The following EIF4G3 variants were observed in gnomAD, a reference collection of about 807,000 sequenced individuals.
The protein encoded by EIF4G3 is eIF-4-gamma 3.
In EIF4G3, 34 loss-of-function variants were observed where a neutral mutation model predicts 186.4. That is an observed-to-expected ratio of 0.18 (90% CI 0.14 to 0.24). The LOEUF (loss-of-function observed/expected upper bound fraction) is 0.24. EIF4G3 is among the 10% of genes least tolerant of loss of function. EIF4G3 has a pLI of 1.00. For synonymous variants in EIF4G3, 673 were observed against 679.5 expected, an observed-to-expected ratio of 0.99 and a Z score of 0.15; for missense variants, 1,536 against 1,948.5, an observed-to-expected ratio of 0.79 and a Z score of 3.99.
chr1:21,058,717 CTCTTTTTTTTTTTTT>C (rs1476201924), intron 3 of EIF4G3, among the ~76,000 whole-genome samples: 12 of 104,682 alleles, frequency 1.1e-4, no homozygotes, highest in South Asian at 8.5e-4. Flanking sequence ...CTCTCTCTCT[CTCTTTTTTTTTTTTT>C]TTTTTTTTTT....
intron 2 of EIF4G3, among the ~76,000 whole-genome samples, chr1:21,125,765 T>C: frequency 8.1e-6 from 1 of 122,730 alleles, no homozygotes; most frequent in African/African-American, 3.2e-5. Flanking sequence ...TTTTTTTATA[T>C]ATATATACAC....
At chr1:20,971,685 C>T (rs1300113294) in intron 11 of EIF4G3, among the ~76,000 whole-genome samples, 1 of 152,200 alleles carries the variant, frequency 6.6e-6, no homozygotes, top group African/African-American at 2.4e-5. Context: ...GTTGCCCAGG[C>T]TGGAGTGCAG....
chr1:21,065,571 C>T (rs557695758), intron 3 of EIF4G3, among the ~76,000 whole-genome samples: 2 of 149,948 alleles, frequency 1.3e-5, no homozygotes, highest in African/African-American at 2.5e-5. Context: ...AGTGGTGGGG[C>T]GGCGGGGGGA....
intron 2 of EIF4G3, among the ~76,000 whole-genome samples, chr1:21,167,057 C>T (rs547206384): frequency 5.3e-5 from 8 of 152,242 alleles, no homozygotes; most frequent in Non-Finnish European, 1.0e-4. Context: ...GCTGGGATTA[C>T]AGGCCATGAG....
chr1:20,859,580 T>C lies in EIF4G3; in HGVS notation c.3244+805A>G, dbSNP rs572764277. Among the ~76,000 whole-genome samples the C allele has an allele frequency of 2.4e-4, 36 of 152,334 alleles. 1 individual carries two copies. The highest frequency in any genetic ancestry group is 8.4e-4 in the African/African-American group (35 of 41,590). ...AAATGCCTTCTACTTCATCTTTCAC[T>C]TTTTTTGCATGTCTCTATTTTTGTT... On this transcript the variant is annotated intron_variant, in intron 24 of 36. Transcript: ENST00000602326.
chr1:21,037,398 G>A (rs1338199993), intron 4 of EIF4G3, among the ~76,000 whole-genome samples: 1 of 152,170 alleles, frequency 6.6e-6, no homozygotes, highest in Non-Finnish European at 1.5e-5. Flanking sequence ...GAAGCAGTTT[G>A]GCTGCTTTTA....
chr1:20,960,650 G>A (rs1331724903), intron 12 of EIF4G3, among the ~76,000 whole-genome samples: 1 of 152,142 alleles, frequency 6.6e-6, no homozygotes, highest in Non-Finnish European at 1.5e-5. Context: ...CTACTCAGAA[G>A]GCTGAGGTGG....
intron 9 of EIF4G3, 75 bp downstream of exon 9, chr1:20,980,973 C>T: frequency 8.0e-7 from 1 of 1,242,306 alleles, no homozygotes; most frequent in South Asian, 2.3e-5. Context: ...ATTCATCCAC[C>T]CAGCTCCCTC....
chr1:21,142,980 G>A (rs531240549), intron 2 of EIF4G3, among the ~76,000 whole-genome samples: 3 of 152,136 alleles, frequency 2.0e-5, no homozygotes, highest in African/African-American at 7.2e-5. Context: ...CAAATGTGGT[G>A]GCTCATGCCT....
chr1:21,147,010 C>T (rs886486363), intron 2 of EIF4G3, among the ~76,000 whole-genome samples: 1 of 151,996 alleles, frequency 6.6e-6, no homozygotes, highest in Non-Finnish European at 1.5e-5. Context: ...CGCTTATAAC[C>T]CCAGCACTTT....
chr1:20,985,468 C>A (rs935476053), intron 7 of EIF4G3, among the ~76,000 whole-genome samples: 1 of 150,788 alleles, frequency 6.6e-6, no homozygotes, highest in African/African-American at 2.4e-5. Flanking sequence ...TACACACACA[C>A]ACGTGCACCA....
intron 4 of EIF4G3, among the ~76,000 whole-genome samples, chr1:21,031,963 G>A (rs1410252418): frequency 6.6e-6 from 1 of 152,114 alleles, no homozygotes; most frequent in African/African-American, 2.4e-5. Context: ...CAAATACCAG[G>A]CATCCAAATA....
chr1:21,143,007 G>C (rs2097366620), intron 2 of EIF4G3, among the ~76,000 whole-genome samples: 1 of 152,126 alleles, frequency 6.6e-6, no homozygotes, highest in Admixed American at 6.6e-5. Flanking sequence ...CCAGCACTCT[G>C]GGAGGCCGAG....
intron 14 of EIF4G3, among the ~76,000 whole-genome samples, chr1:20,915,415 A>C (rs1218969197): frequency 6.6e-6 from 1 of 151,966 alleles, no homozygotes; most frequent in African/African-American, 2.4e-5. Flanking sequence ...TCACCAGAAA[A>C]CTACAGGCGA....
intron 7 of EIF4G3, among the ~76,000 whole-genome samples, chr1:20,989,860 T>C (rs2080658536): frequency 6.6e-6 from 1 of 152,208 alleles, no homozygotes; most frequent in Non-Finnish European, 1.5e-5. Flanking sequence ...CATCACATGC[T>C]GCAGAGAAAT....
chr1:21,127,486 G>GT (rs1377618126), intron 2 of EIF4G3, among the ~76,000 whole-genome samples: 1 of 152,180 alleles, frequency 6.6e-6, no homozygotes, highest in Non-Finnish European at 1.5e-5. Flanking sequence ...AAAATGACTT[G>GT]TTTTTATTCA....
chr1:21,049,689 G>A (rs1378808303), intron 4 of EIF4G3, among the ~76,000 whole-genome samples: 1 of 152,018 alleles, frequency 6.6e-6, no homozygotes, highest in Non-Finnish European at 1.5e-5. Context: ...AGGCCAATCT[G>A]AGCAACATAG....
chr1:21,129,939 C>T (rs747696046), intron 2 of EIF4G3, among the ~76,000 whole-genome samples: 16 of 152,172 alleles, frequency 1.1e-4, no homozygotes, highest in Non-Finnish European at 2.1e-4. Context: ...ACACCAGGTC[C>T]GCATAAGGCT....
chr1:20,956,244 T>G (rs1471958013), intron 12 of EIF4G3, among the ~76,000 whole-genome samples: 1 of 152,158 alleles, frequency 6.6e-6, no homozygotes, highest in East Asian at 1.9e-4. Context: ...ATTACACACC[T>G]CAAAAATTCT....
Sources: allele counts gnomAD v4.1 joint callset (sites outside exome capture counted in the v4.1 genomes callset), GRCh38; gene constraint gnomAD v4.1.1; transcripts MANE v1.5; gene names NCBI Gene and HGNC (gene_info 2026-07-23, HGNC 2026-07-21).